The following DOK5 variants were observed in gnomAD, a reference collection of about 807,000 sequenced individuals.
DOK5 encodes docking protein 5.
A neutral mutation model predicts 43.3 loss-of-function variants in DOK5; 27 were observed. The ratio of observed to expected loss-of-function variants is 0.62; its 90% CI spans 0.46 to 0.86. The LOEUF is 0.86. Among genes scored for constraint, DOK5 ranks in the 40% least tolerant of loss-of-function variants. DOK5 has a pLI of 0.00. For missense variants in DOK5, 373 were observed against 392.9 expected, an observed-to-expected ratio of 0.95 and a Z score of 0.43; for synonymous variants, 146 against 140.1, an observed-to-expected ratio of 1.04 and a Z score of -0.30.
chr20:54,627,735 T>C (rs1259598699), intron 6 of DOK5, among the ~76,000 whole-genome samples: 1 of 152,182 alleles, frequency 6.6e-6, no homozygotes, highest in African/African-American at 2.4e-5. Flanking sequence ...GGGGTTCCAC[T>C]TGAGTGTTTT....
intron 4 of DOK5, among the ~76,000 whole-genome samples, chr20:54,589,809 G>GGATGCACCATATC (rs1985925806): frequency 6.6e-6 from 1 of 152,144 alleles, no homozygotes; most frequent in African/African-American, 2.4e-5. Flanking sequence ...GTGACTCTTT[G>GGATGCACCATATC]GATGCACCAT....
chr20:54,503,540 G>T (rs1487084904), intron 1 of DOK5, among the ~76,000 whole-genome samples: 2 of 152,102 alleles, frequency 1.3e-5, no homozygotes, highest in Admixed American at 1.3e-4. Flanking sequence ...TGTCATATGT[G>T]TGAATAGTTT....
At chr20:54,525,393 G>T (rs1413413974) in intron 1 of DOK5, among the ~76,000 whole-genome samples, 1 of 152,200 alleles carries the variant, frequency 6.6e-6, no homozygotes, top group Non-Finnish European at 1.5e-5. Context: ...ACGTATTTAT[G>T]CAGGGAATAT....
chr20:54,631,072 T>C (rs1414028197), intron 6 of DOK5, among the ~76,000 whole-genome samples: 2 of 152,276 alleles, frequency 1.3e-5, no homozygotes, highest in Non-Finnish European at 2.9e-5. Context: ...ATCCAGACAT[T>C]GAAATGATGC....
At chr20:54,571,226 C>T (rs1405736940) in intron 2 of DOK5, among the ~76,000 whole-genome samples, 1 of 152,006 alleles carries the variant, frequency 6.6e-6, no homozygotes, top group Admixed American at 6.6e-5. Context: ...TTTTTTATTC[C>T]TCTTTATTCT....
chr20:54,648,049 C>A lies in DOK5; in HGVS notation c.857-2366C>A, dbSNP rs559872797. On this transcript the variant is annotated intron_variant, in intron 7 of 7. Coordinates refer to ENST00000262593, the MANE Select transcript of DOK5 (RefSeq NM_018431.5). ...CTAACATACATGATCTCATTTAGAT[C>A]CCAAAACAGCTGCCCGAAAGGGTAT... 4.6e-5 allele frequency among the ~76,000 whole-genome samples: 7 copies of A among 152,230 alleles called. No homozygotes were observed. In the South Asian group the frequency reaches 1.5e-3, roughly 32 times the overall value.
chr20:54,480,445 C>T (rs1430345573), intron 1 of DOK5, among the ~76,000 whole-genome samples: 8 of 152,168 alleles, frequency 5.3e-5, no homozygotes, highest in African/African-American at 7.2e-5. Flanking sequence ...GCCATGGCAA[C>T]GTCAGGAAGT....
At chr20:54,614,034 A>G (rs1986730305) in intron 6 of DOK5, among the ~76,000 whole-genome samples, 1 of 149,118 alleles carries the variant, frequency 6.7e-6, no homozygotes, top group Non-Finnish European at 1.5e-5. Flanking sequence ...ATATTTATTT[A>G]TATATATGGT....
chr20:54,581,232 G>A (rs1985628257), intron 2 of DOK5, among the ~76,000 whole-genome samples: 2 of 151,940 alleles, frequency 1.3e-5, no homozygotes, highest in Non-Finnish European at 2.9e-5. Context: ...CCATGTGTCT[G>A]TATGTTTGCC....
intron 5 of DOK5, among the ~76,000 whole-genome samples, chr20:54,596,657 T>C (rs1294901694): frequency 6.6e-6 from 1 of 152,184 alleles, no homozygotes; most frequent in Non-Finnish European, 1.5e-5. Flanking sequence ...ATATTACTTA[T>C]CTCAAAAGAT....
At chr20:54,512,956 C>T (rs1983061079) in intron 1 of DOK5, among the ~76,000 whole-genome samples, 1 of 152,188 alleles carries the variant, frequency 6.6e-6, no homozygotes, top group South Asian at 2.1e-4. Context: ...GTTTTGTAGA[C>T]ACTGCTGGGC....
At chr20:54,544,127 T>C (rs190514135) in intron 1 of DOK5, among the ~76,000 whole-genome samples, 219 of 152,342 alleles carry the variant, frequency 1.4e-3, no homozygotes, top group African/African-American at 5.1e-3. Flanking sequence ...ACTTCATGAT[T>C]AACTAACCCA....
intron 2 of DOK5, among the ~76,000 whole-genome samples, chr20:54,561,758 C>T (rs1009252794): frequency 2.6e-5 from 4 of 152,208 alleles, no homozygotes; most frequent in African/African-American, 4.8e-5. Flanking sequence ...CAGGTTCAAG[C>T]GATTCTCCTG....
At chr20:54,537,974 G>A (rs897463245) in intron 1 of DOK5, among the ~76,000 whole-genome samples, 2 of 151,550 alleles carry the variant, frequency 1.3e-5, no homozygotes, top group African/African-American at 4.9e-5. Context: ...GAATAGCTGG[G>A]ATTACAGGCA....
At chr20:54,620,699 T>A (rs1004846702) in intron 6 of DOK5, among the ~76,000 whole-genome samples, 1 of 152,212 alleles carries the variant, frequency 6.6e-6, no homozygotes, top group African/African-American at 2.4e-5. Context: ...ACAGTAGTGC[T>A]TCTAGGAATT....
chr20:54,555,335 C>G (rs76935288), intron 2 of DOK5: 10,227 of 256,850 alleles, frequency 0.04, 311 homozygotes, highest in East Asian at 0.14. Context: ...AGGATGAGGA[C>G]TGGATCTCAT....
chr20:54,501,690 A>G (rs773320741), intron 1 of DOK5, among the ~76,000 whole-genome samples: 1 of 152,084 alleles, frequency 6.6e-6, no homozygotes, highest in Non-Finnish European at 1.5e-5. Flanking sequence ...GTGTTTTGTG[A>G]CTTCCATAAT....
At chr20:54,525,885 T>C (rs143818093) in intron 1 of DOK5, among the ~76,000 whole-genome samples, 95 of 152,358 alleles carry the variant, frequency 6.2e-4, no homozygotes, top group African/African-American at 2.2e-3. Flanking sequence ...GCTGATTCAA[T>C]GTATTTGGAA....
intron 1 of DOK5, among the ~76,000 whole-genome samples, chr20:54,553,269 C>A (rs1236860957): frequency 7.2e-5 from 11 of 152,140 alleles, no homozygotes; most frequent in Non-Finnish European, 1.3e-4. Context: ...CATCTCGGCT[C>A]ACTGCAAGCT....
Sources: gnomAD v4.1 joint callset for allele counts (sites outside exome capture counted in the v4.1 genomes callset) on GRCh38, gnomAD v4.1.1 for gene constraint, MANE v1.5 for transcripts, NCBI Gene and HGNC (gene_info 2026-07-23, HGNC 2026-07-21) for gene names.